Variants in GDA observed in about 807,000 individuals in gnomAD.
GDA encodes the protein cytoplasmic PSD-95 interactor.
GDA carries 18 observed loss-of-function variants against 59.6 expected under a neutral mutation model. The ratio of observed to expected loss-of-function variants is 0.30; its 90% CI spans 0.21 to 0.45. The LOEUF is 0.45. Ranked by LOEUF, GDA falls within the 20% of genes least tolerant of loss-of-function variation. The pLI is 1.00. For synonymous variants in GDA, 201 were observed against 201.1 expected (o/e 1.00, Z 0.00); for missense variants, 427 against 552.3 (o/e 0.77, Z 2.27).
intron 3 of GDA, among the ~76,000 whole-genome samples, chr9:72,208,442 C>T (rs1203937910): frequency 1.3e-5 from 2 of 152,158 alleles, no homozygotes; most frequent in African/African-American, 2.4e-5. Context: ...TCCAAGTGCT[C>T]AGACAGGTCA....
In GDA at chr9:72,248,982, A is replaced by G. The variant is rs1840431979; in HGVS notation, c.*640A>G. On this transcript the variant is annotated 3_prime_UTR_variant, in exon 14 of 14. Coordinates refer to ENST00000358399, the MANE Select transcript of GDA (RefSeq NM_004293.5). ...TTTGCCTTCTTTGGCGATGAATGTCAGAAATTGAATGCCACATGCTTTCAT... is the reference window on the plus strand; with the variant it reads ...TTTGCCTTCTTTGGCGATGAATGTCGGAAATTGAATGCCACATGCTTTCAT... 3 of 984,610 alleles carry G rather than the reference A, an allele frequency of 3.0e-6. No homozygotes were observed. Among genetic ancestry groups the G allele is most frequent in the Non-Finnish European group, 3.6e-6 (3 of 828,762 alleles). The allele number at this position is 984,610 out of a possible 1,614,324, so 61.0% of individuals were successfully genotyped here.
At chr9:72,153,976 T>C (rs909551042) in intron 1 of GDA, among the ~76,000 whole-genome samples, 1 of 150,778 alleles carries the variant, frequency 6.6e-6, no homozygotes, top group African/African-American at 2.5e-5. Flanking sequence ...AAAAAAAATA[T>C]AGACTCTAAC....
intron 13 of GDA, 52 bp from the exon 14 acceptor site, chr9:72,248,220 T>A: frequency 8.2e-7 from 1 of 1,224,434 alleles, no homozygotes; most frequent in Non-Finnish European, 1.2e-6. Context: ...GCAAGGAAGA[T>A]ACTTATTGAC....
chr9:72,238,023 C>T (rs2131742969), intron 10 of GDA, among the ~76,000 whole-genome samples: 1 of 152,212 alleles, frequency 6.6e-6, no homozygotes, highest in East Asian at 1.9e-4. Context: ...ATCATGTCAC[C>T]CCCTTGTGCT....
chr9:72,128,289 T>C (rs1807936749), intron 1 of GDA, among the ~76,000 whole-genome samples: 1 of 152,218 alleles, frequency 6.6e-6, no homozygotes, highest in Admixed American at 6.5e-5. Flanking sequence ...TTCTCTTCTA[T>C]ACTCACCTCA....
At chr9:72,180,938 T>C (rs974021224) in intron 1 of GDA, among the ~76,000 whole-genome samples, 3 of 152,244 alleles carry the variant, frequency 2.0e-5, no homozygotes, top group Non-Finnish European at 4.4e-5. Flanking sequence ...GTGAGATCTG[T>C]ATTATTGTGT....
At chr9:72,253,642 A>G (rs1290074354), downstream of GDA, 1 of 152,186 alleles carries the variant, frequency 6.6e-6, no homozygotes, top group Non-Finnish European at 1.5e-5. Context: ...GCATGATGAA[A>G]CTGCTTCCCA....
At chr9:72,128,865 G>C (rs538412486) in intron 1 of GDA, among the ~76,000 whole-genome samples, 2 of 150,990 alleles carry the variant, frequency 1.3e-5, no homozygotes, top group African/African-American at 4.8e-5. Flanking sequence ...ACACTTCTCA[G>C]ATTGGGTGGA....
At chr9:72,203,442 G>A (rs1834266486) in intron 3 of GDA, among the ~76,000 whole-genome samples, 1 of 152,164 alleles carries the variant, frequency 6.6e-6, no homozygotes, top group African/African-American at 2.4e-5. Context: ...ATTGAACAGT[G>A]GCAGTAGTGT....
upstream of GDA, chr9:72,149,296 C>A (rs1826840810): frequency 2.0e-6 from 1 of 499,984 alleles, no homozygotes; most frequent in Admixed American, 3.9e-5. Context: ...CCAAAACTAA[C>A]GCAAGGGTGG....
chr9:72,224,107 C>A (rs1192318924), intron 7 of GDA, among the ~76,000 whole-genome samples: 2 of 152,198 alleles, frequency 1.3e-5, no homozygotes, highest in African/African-American at 4.8e-5. Context: ...CCTGATGTTT[C>A]TGCTTTGCAA....
At chr9:72,185,229 G>C (rs1199312666) in intron 1 of GDA, among the ~76,000 whole-genome samples, 1 of 152,178 alleles carries the variant, frequency 6.6e-6, no homozygotes, top group Non-Finnish European at 1.5e-5. Context: ...CTGATCCTTG[G>C]TTTATACTAT....
intron 1 of GDA, among the ~76,000 whole-genome samples, chr9:72,142,858 T>C (rs1254178766): frequency 1.3e-5 from 2 of 151,482 alleles, no homozygotes; most frequent in Admixed American, 6.6e-5. Context: ...AACCTCTGCC[T>C]CCTGGGTTCA....
upstream of GDA, chr9:72,149,390 C>T: frequency 1.6e-6 from 1 of 634,242 alleles, no homozygotes; most frequent in East Asian, 3.3e-5. Flanking sequence ...GGGAGCCAGC[C>T]CCTGGGCGCG....
chr9:72,210,329 G>A (rs555496917), intron 3 of GDA, among the ~76,000 whole-genome samples: 77 of 152,256 alleles, frequency 5.1e-4, no homozygotes, highest in African/African-American at 1.7e-3. Context: ...AAGTCTGGCT[G>A]AATATTTTTA....
intron 2 of GDA, among the ~76,000 whole-genome samples, chr9:72,198,691 A>C (rs1352182483): frequency 6.6e-6 from 1 of 151,958 alleles, no homozygotes; most frequent in Non-Finnish European, 1.5e-5. Context: ...ATGCCATTGC[A>C]TTACTGGTAG....
intron 1 of GDA, among the ~76,000 whole-genome samples, chr9:72,129,646 T>C (rs1825959635): frequency 6.6e-6 from 1 of 152,118 alleles, no homozygotes. Context: ...ATTGCCAGGG[T>C]CCCAGGATTT....
intron 4 of GDA, among the ~76,000 whole-genome samples, chr9:72,211,388 C>T (rs541540310): frequency 3.4e-4 from 52 of 152,288 alleles, no homozygotes; most frequent in African/African-American, 9.1e-4. Flanking sequence ...GTTAGACTGA[C>T]GCTCAGAGAG....
chr9:72,149,888 C>A (rs181967299), intron 1 of GDA, among the ~76,000 whole-genome samples: 6 of 152,202 alleles, frequency 3.9e-5, no homozygotes, highest in Non-Finnish European at 8.8e-5. Flanking sequence ...TCCCAGAAGT[C>A]GGGAGCAGTG....
Sources: allele counts gnomAD v4.1 joint callset (sites outside exome capture counted in the v4.1 genomes callset), GRCh38; gene constraint gnomAD v4.1.1; transcripts MANE v1.5; gene names NCBI Gene and HGNC (gene_info 2026-07-23, HGNC 2026-07-21).